AFAP1: variants seen among roughly 807,000 people sequenced by gnomAD.
The protein encoded by AFAP1 is actin filament associated protein 1.
AFAP1 carries 75 observed loss-of-function variants against 93.9 expected under a neutral mutation model. That is an observed-to-expected ratio of 0.80 (90% CI 0.66 to 0.97). The LOEUF (loss-of-function observed/expected upper bound fraction) is 0.97. Ranked by LOEUF, AFAP1 falls within the 50% of genes least tolerant of loss-of-function variation. The pLI is 0.00. For synonymous variants in AFAP1, 517 were observed against 430.7 expected (o/e 1.20, Z -2.48); for missense variants, 1,201 against 1,050.8 (o/e 1.14, Z -1.98).
chr4:7,923,215 T>C (rs1200117881), intron 1 of AFAP1, among the ~76,000 whole-genome samples: 7 of 152,188 alleles, frequency 4.6e-5, no homozygotes, highest in Non-Finnish European at 1.5e-5. Flanking sequence ...CCACATTTAT[T>C]TTCATGGCAT....
At chr4:7,903,405 C>T (rs369307161) in intron 1 of AFAP1, among the ~76,000 whole-genome samples, 10 of 152,340 alleles carry the variant, frequency 6.6e-5, no homozygotes, top group South Asian at 2.1e-4. Context: ...AGCGACCAGG[C>T]GCGGTGGCTC....
At chr4:7,875,856 T>A (rs527869216) in intron 1 of AFAP1, among the ~76,000 whole-genome samples, 2 of 152,160 alleles carry the variant, frequency 1.3e-5, no homozygotes, top group Non-Finnish European at 2.9e-5. Flanking sequence ...AGTCTACTTA[T>A]ATAAAGTACT....
intron 1 of AFAP1, among the ~76,000 whole-genome samples, chr4:7,921,900 C>T (rs1160794287): frequency 6.6e-6 from 1 of 152,004 alleles, no homozygotes; most frequent in Non-Finnish European, 1.5e-5. Context: ...CTGAGGCAGG[C>T]GATCACGAGG....
intron 4 of AFAP1, among the ~76,000 whole-genome samples, chr4:7,847,678 A>T (rs1238597879): frequency 6.6e-6 from 1 of 152,088 alleles, no homozygotes. Flanking sequence ...AAAAATTATG[A>T]ACAACTCAGA....
At chr4:7,863,569 C>A (rs549127646) in intron 3 of AFAP1, among the ~76,000 whole-genome samples, 1 of 152,288 alleles carries the variant, frequency 6.6e-6, no homozygotes, top group South Asian at 2.1e-4. Flanking sequence ...TGCTACATCC[C>A]ACACGTGTGA....
chr4:7,776,778 T>G (rs575098352), intron 14 of AFAP1: 7 of 152,324 alleles, frequency 4.6e-5, no homozygotes, highest in African/African-American at 1.7e-4. Flanking sequence ...TGTTTGCAGC[T>G]AAGGTTAACA....
At chr4:7,914,512 A>G (rs1197855618) in intron 1 of AFAP1, among the ~76,000 whole-genome samples, 1 of 152,116 alleles carries the variant, frequency 6.6e-6, no homozygotes, top group African/African-American at 2.4e-5. Context: ...TCCACTGTGT[A>G]TAAAGACCAC....
At chr4:7,779,846 A>G (rs1716575036) in intron 13 of AFAP1, among the ~76,000 whole-genome samples, 1 of 152,244 alleles carries the variant, frequency 6.6e-6, no homozygotes, top group South Asian at 2.1e-4. Flanking sequence ...AGGTCTCGCC[A>G]TTAAAAACAG....
chr4:7,796,228 C>T (rs918888615), intron 10 of AFAP1, among the ~76,000 whole-genome samples: 1 of 152,170 alleles, frequency 6.6e-6, no homozygotes, highest in Admixed American at 6.5e-5. Flanking sequence ...TTTTGGGGAA[C>T]GGCTGACTCC....
At chr4:7,764,160 G>A (rs963892256) in intron 17 of AFAP1, among the ~76,000 whole-genome samples, 2 of 152,230 alleles carry the variant, frequency 1.3e-5, no homozygotes, top group African/African-American at 4.8e-5. Context: ...GATGAACCTT[G>A]AGGACATGAT....
At chr4:7,775,055 C>G (rs867589256) in intron 14 of AFAP1, 152 bp from the exon 15 acceptor site, 16 of 917,386 alleles carry the variant, frequency 1.7e-5, no homozygotes, top group Admixed American at 2.9e-5. Context: ...GTGGGAGAAT[C>G]GCTTGAGCTT....
At chr4:7,930,777 G>A (rs768815763) in intron 1 of AFAP1, among the ~76,000 whole-genome samples, 1 of 152,136 alleles carries the variant, frequency 6.6e-6, no homozygotes, top group Non-Finnish European at 1.5e-5. Flanking sequence ...TTGAGACAGA[G>A]TCTACCTCTG....
At chr4:7,820,464 C>G (rs1300581817) in intron 6 of AFAP1, among the ~76,000 whole-genome samples, 1 of 152,060 alleles carries the variant, frequency 6.6e-6, no homozygotes, top group African/African-American at 2.4e-5. Flanking sequence ...GGACCTGGAG[C>G]CCGTTGGCGT....
At chr4:7,933,041 G>A (rs569479601) in intron 1 of AFAP1, among the ~76,000 whole-genome samples, 123 of 52,488 alleles carry the variant, frequency 2.3e-3, no homozygotes, top group African/African-American at 6.6e-3. Context: ...AAAAAAAAAA[G>A]GGGGGGGATC....
chr4:7,919,965 G>A (rs938968282), intron 1 of AFAP1, among the ~76,000 whole-genome samples: 3 of 152,260 alleles, frequency 2.0e-5, no homozygotes, highest in South Asian at 2.1e-4. Context: ...TCCCTGCAAA[G>A]GACATGATCT....
intron 1 of AFAP1, among the ~76,000 whole-genome samples, chr4:7,916,848 G>A (rs1175018981): frequency 2.0e-5 from 3 of 152,152 alleles, no homozygotes; most frequent in Non-Finnish European, 2.9e-5. Flanking sequence ...TGCACTAGGG[G>A]CCCAGGGCCA....
chr4:7,939,762 G>C lies in AFAP1; in HGVS notation c.-109C>G, dbSNP rs928073647. Reference sequence around the variant, plus strand: ...GCAGCCGCCTTAACAATGGAGCCCCGGGGCGGGGCCGCCGCCGCCGCCTCA... The same window carrying C: ...GCAGCCGCCTTAACAATGGAGCCCCCGGGCGGGGCCGCCGCCGCCGCCTCA... On this transcript the variant is annotated 5_prime_UTR_variant, in exon 1 of 18. Transcript: ENST00000420658. This position sits in a 1 kb window ranked among gnomAD's most constrained non-coding sequence, Gnocchi z 5.6. 6 of 399,692 alleles carry C rather than the reference G, an allele frequency of 1.5e-5. No homozygotes were observed. Among genetic ancestry groups the C allele is most frequent in the Non-Finnish European group, 2.9e-5 (6 of 204,368 alleles). The allele number at this position is 399,692 out of a possible 1,614,324, so 24.8% of individuals were successfully genotyped here. A position where few individuals can be genotyped will look rare whatever the true frequency, so the allele number is the denominator to read the frequency against.
rs1487297882 is a variant in AFAP1 at position 7,871,991 on chromosome 4, C to G, written c.88G>C (p.Val30Leu). The G allele has an allele frequency of 1.9e-6, 3 of 1,614,202 alleles. No homozygotes were observed. The highest frequency in any genetic ancestry group is 2.2e-5 in the East Asian group (1 of 44,872). ...ATTCTTAGCAGAATGTTGGTTATCA[C>G]TGCCTTTTTCTCCCTGACAGTTGAG... Reference protein sequence around the residue: ...LTSTVREKKAVITNILLRIQS... With the variant: ...LTSTVREKKALITNILLRIQS... The change falls in exon 2 of 18, where the codon GTG becomes CTG. Residue 30 changes from valine to leucine, a missense_variant. By Grantham distance (32) the Val-to-Leu change is conservative. Coordinates refer to ENST00000420658, the MANE Select transcript of AFAP1 (RefSeq NM_001134647.2).
chr4:7,791,135 G>A (rs756993091), intron 11 of AFAP1, among the ~76,000 whole-genome samples: 5 of 152,108 alleles, frequency 3.3e-5, no homozygotes, highest in Non-Finnish European at 7.4e-5. Flanking sequence ...CATATTAAAC[G>A]GGCACAACAC....
Sources: gnomAD v4.1 joint callset for allele counts (sites outside exome capture counted in the v4.1 genomes callset) on GRCh38, gnomAD v4.1.1 for gene constraint, Gnocchi (gnomAD v3.1) non-coding constraint, MANE v1.5 for transcripts, NCBI Gene and HGNC (gene_info 2026-07-23, HGNC 2026-07-21) for gene names.